Variants in DGAT1 observed in about 807,000 individuals in gnomAD.
DGAT1 encodes ACAT related gene product 1.
In DGAT1, 60 loss-of-function variants were observed where a neutral mutation model predicts 72.6. The observed-to-expected ratio is 0.83, with a 90% confidence interval of 0.67 to 1.02. DGAT1 has a LOEUF of 1.02. DGAT1 is among the 50% of genes least tolerant of loss of function. The pLI, the probability that DGAT1 is intolerant of heterozygous loss-of-function variation, is 0.00. For synonymous variants in DGAT1, 290 were observed against 267.5 expected (o/e 1.08, Z -0.82); for missense variants, 592 against 670.0 (o/e 0.88, Z 1.29).
In DGAT1 at chr8:144,321,313, C is replaced by T. The variant is rs1458093972; in HGVS notation, c.288+8G>A. 2 of 1,613,682 alleles carry T rather than the reference C, an allele frequency of 1.2e-6. No individual in the cohort carries two copies. The highest frequency in any genetic ancestry group is 2.2e-5 in the East Asian group (1 of 44,886). On this transcript the variant is annotated splice_region_variant and intron_variant, in intron 2 of 16. Transcript: ENST00000528718. ...CTAGACCCGCTCCCGACACCATGTC[C>T]CACTCACCAGCATCACCACACACCA...
At chr8:144,323,947 C>A (rs1554848482) in intron 1 of DGAT1, among the ~76,000 whole-genome samples, 2 of 152,088 alleles carry the variant, frequency 1.3e-5, no homozygotes, top group African/African-American at 4.8e-5. Flanking sequence ...ATGGTTGGGG[C>A]AGGCTCCCTG....
intron 1 of DGAT1, 57 bp downstream of exon 1, chr8:144,326,379 AC>A: frequency 1.5e-6 from 2 of 1,348,968 alleles, no homozygotes. Flanking sequence ...GCTTCGGCCA[AC>A]CCCGGAAAGT....
intron 1 of DGAT1, among the ~76,000 whole-genome samples, chr8:144,323,259 G>A (rs1262627441): frequency 9.2e-5 from 14 of 152,094 alleles, no homozygotes; most frequent in African/African-American, 3.4e-4. Flanking sequence ...GTCGGGAAAG[G>A]GTGGTGCTTC....
chr8:144,316,002 G>T lies in DGAT1; in HGVS notation c.*552C>A. The T allele has an allele frequency of 1.1e-6, 1 of 935,792 alleles. No individual in the cohort carries two copies. Among genetic ancestry groups the T allele is most frequent in the Non-Finnish European group, 1.3e-6 (1 of 784,518 alleles). 58.0% of individuals were successfully genotyped at this position (935,792 alleles called of 1,614,324 possible). ...CAAGCTGAAGCTGAGCACGGTGGGTGCAAGTTGACCATCCTGCACTGAGGG... is the reference window on the plus strand; with the variant it reads ...CAAGCTGAAGCTGAGCACGGTGGGTTCAAGTTGACCATCCTGCACTGAGGG... On this transcript the variant is annotated 3_prime_UTR_variant, in exon 17 of 17. Transcript: ENST00000528718.
chr8:144,322,700 G>A (rs1817491951), intron 1 of DGAT1, among the ~76,000 whole-genome samples: 1 of 152,216 alleles, frequency 6.6e-6, no homozygotes, highest in African/African-American at 2.4e-5. Context: ...AGGCAGGGAG[G>A]ATGCTCACAC....
intron 16 of DGAT1, 31 bp from the exon 17 acceptor site, chr8:144,316,740 A>G: frequency 5.6e-6 from 9 of 1,607,396 alleles, no homozygotes; most frequent in Non-Finnish European, 7.6e-6. Context: ...TCAGTCGGCC[A>G]TGGTGACCAC....
intron 2 of DGAT1, among the ~76,000 whole-genome samples, chr8:144,319,786 T>A (rs1478994479): frequency 6.6e-6 from 1 of 152,124 alleles, no homozygotes; most frequent in Admixed American, 6.5e-5. Context: ...GACAGGAACC[T>A]CCTCCTCCAT....
chr8:144,317,193 C>T lies in DGAT1; in HGVS notation c.1154G>A (p.Cys385Tyr), dbSNP rs782198587. 2.5e-6 allele frequency: 4 copies of T among 1,608,452 alleles called. No homozygotes were observed. The highest frequency in any genetic ancestry group is 4.5e-5 in the East Asian group (2 of 44,724). The change falls in exon 14 of 17, where the codon TGC (cysteine) becomes TAC (tyrosine). Residue 385 changes from cysteine to tyrosine, a missense_variant. Physicochemically the swap from Cys to Tyr is radical, Grantham distance 194 (BLOSUM62 -2). Coordinates refer to ENST00000528718, the MANE Select transcript of DGAT1 (RefSeq NM_012079.6). Reference protein sequence around the residue: ...QNWNIPVHKWCIRHFYKPMLR... With the variant: ...QNWNIPVHKWYIRHFYKPMLR... ...ACACACACACCCCACCTACCTGATG[C>T]ACCACTTGTGCACAGGGATGTTCCA...
rs781789020 is a variant in DGAT1 at position 144,326,420 on chromosome 8, G to C, written c.200+17C>G. 2.9e-6 allele frequency: 4 copies of C among 1,388,864 alleles called. No homozygotes were observed. The highest frequency in any genetic ancestry group is 6.2e-5 in the Admixed American group (2 of 32,106). 86.0% of individuals were successfully genotyped at this position (1,388,864 alleles called of 1,614,324 possible). On this transcript the variant is annotated intron_variant, in intron 1 of 16. Transcript: ENST00000528718. ...GGGCCCTTGGGTCAGAGGTTAGGGG[G>C]TCAGGCGCTCCGCTACCTCAGCTCC... is the stretch of plus-strand genomic sequence containing the variant.
intron 16 of DGAT1, 72 bp from the exon 17 acceptor site, chr8:144,316,781 G>T: frequency 6.3e-7 from 1 of 1,597,090 alleles, no homozygotes; most frequent in Non-Finnish European, 8.5e-7. Flanking sequence ...CCCTGGGCAT[G>T]GGGAGGGTCA....
chr8:144,316,658 C>G lies in DGAT1; in HGVS notation c.1363G>C (p.Ala455Pro). 1 of 1,611,650 alleles carries G rather than the reference C, an allele frequency of 6.2e-7. No homozygotes were observed. Among genetic ancestry groups the G allele is most frequent in the East Asian group, 2.2e-5 (1 of 44,836 alleles). ...ATGATGAGCGACAGCCACACAGCTG[C>G]GTTGCCATAGTTGCCCTGGAAAAAG... ...GRFFQGNYGN[A>P]AVWLSLIIGQ... Residue 455 changes from alanine to proline, a missense_variant, in exon 17 of 17, where the codon GCA becomes CCA. Transcript: ENST00000528718.
chr8:144,319,566 T>C (rs1817384975), intron 2 of DGAT1, among the ~76,000 whole-genome samples: 1 of 152,184 alleles, frequency 6.6e-6, no homozygotes, highest in Non-Finnish European at 1.5e-5. Flanking sequence ...TTGTCTACTC[T>C]TTCTCTGCAG....
chr8:144,315,513 T>C lies in DGAT1; in HGVS notation c.*1041A>G, dbSNP rs1431133561. ...GGGACACCAGGGCCTGGTCCAGTCTTGGGGTCTTTAATCAAGCAGTCACCC... is the reference window on the plus strand; with the variant it reads ...GGGACACCAGGGCCTGGTCCAGTCTCGGGGTCTTTAATCAAGCAGTCACCC... On this transcript the variant is annotated 3_prime_UTR_variant, in exon 17 of 17. Transcript: ENST00000528718. The C allele has an allele frequency of 3.0e-6, 3 of 985,438 alleles. No individual in the cohort carries two copies. The highest frequency in any genetic ancestry group is 6.1e-5 in the Admixed American group (1 of 16,264). 61.0% of individuals were successfully genotyped at this position (985,438 alleles called of 1,614,324 possible).
In DGAT1 at chr8:144,324,192, C is replaced by T. The variant is rs561610991; in HGVS notation, c.200+2245G>A. On this transcript the variant is annotated intron_variant, in intron 1 of 16. Transcript: ENST00000528718. ...TTGCCACGGGGCCGGAAGAAAGGAG[C>T]TCACACCCAGAGCCCAGCCCTAGGT... Among the ~76,000 whole-genome samples the T allele has an allele frequency of 5.9e-5, 9 of 152,288 alleles. No homozygotes were observed. In the South Asian group the frequency reaches 1.9e-3, roughly 32 times the overall value.
At chr8:144,318,627 C>T in intron 5 of DGAT1, 61 bp from the exon 6 acceptor site, 1 of 1,603,758 alleles carries the variant, frequency 6.2e-7, no homozygotes, top group East Asian at 2.2e-5. Context: ...GGCTGCCAGG[C>T]CTGGGGAGCA....
chr8:144,318,174 G>C lies in DGAT1; in HGVS notation c.677-5C>G, dbSNP rs199592738. Reference sequence around the variant, plus strand: ...TGGCCTTCTTCCCTGCAGAGGCTACGAGCACAGCAGAGTGGGAGGGGGCTG... The same window carrying C: ...TGGCCTTCTTCCCTGCAGAGGCTACCAGCACAGCAGAGTGGGAGGGGGCTG... On this transcript the variant is annotated splice_region_variant and splice_polypyrimidine_tract_variant and intron_variant, in intron 7 of 16. Coordinates refer to ENST00000528718, the MANE Select transcript of DGAT1 (RefSeq NM_012079.6). The C allele has an allele frequency of 5.2e-5, 83 of 1,605,266 alleles. No homozygotes were observed. The highest frequency in any genetic ancestry group is 7.0e-5 in the Non-Finnish European group (82 of 1,175,006).
Position 144,324,013 on chromosome 8 carries a change from G to A in DGAT1, c.200+2424C>T, listed in dbSNP as rs986075878. Among the ~76,000 whole-genome samples, 6 of 152,232 alleles carry A rather than the reference G, an allele frequency of 3.9e-5. 1 individual carries two copies. In the East Asian group the frequency reaches 1.2e-3, roughly 29 times the overall value. Reference sequence around the variant, plus strand: ...GGAGAGTCAGAAAGGACACCTCAGGGACAAAACACCCTGGGAGAAGCCAGA... The same window carrying A: ...GGAGAGTCAGAAAGGACACCTCAGGAACAAAACACCCTGGGAGAAGCCAGA... On this transcript the variant is annotated intron_variant, in intron 1 of 16. Transcript: ENST00000528718.
Position 144,326,685 on chromosome 8 carries a change from G to A in DGAT1, c.-49C>T, listed in dbSNP as rs1554848868. 3 of 1,146,086 alleles carry A rather than the reference G, an allele frequency of 2.6e-6. No individual in the cohort carries two copies. The highest frequency in any genetic ancestry group is 1.1e-6 in the Non-Finnish European group (1 of 932,778). The allele number at this position is 1,146,086 out of a possible 1,614,324, so 71.0% of individuals were successfully genotyped here. A position where few individuals can be genotyped will look rare whatever the true frequency, so the allele number is the denominator to read the frequency against. On this transcript the variant is annotated 5_prime_UTR_variant, in exon 1 of 17. It adds an upstream start codon to the 5' untranslated region. Coordinates refer to ENST00000528718, the MANE Select transcript of DGAT1 (RefSeq NM_012079.6). ...AGCCAAGCGTGGGCCCGCCGGGTTC[G>A]TAGCGCCCGAGGCGCGCGGCCCCAC...
At position 144,316,842 on chromosome 8, in the gene DGAT1, G is replaced by A. The variant is rs1294902215; in HGVS notation, c.1311+11C>T. On this transcript the variant is annotated intron_variant, in intron 16 of 16. Transcript: ENST00000528718. The stretch of plus-strand genomic sequence containing the variant: ...CTGGGCGAGTGAGGAGGCCACGTGG[G>A]GGTCACTCACCTGAGCCATCATGCC... 5.0e-6 allele frequency: 8 copies of A among 1,607,822 alleles called. No individual in the cohort carries two copies. The highest frequency in any genetic ancestry group is 1.7e-5 in the Admixed American group (1 of 58,952).
Sources: gnomAD v4.1 joint callset for allele counts (sites outside exome capture counted in the v4.1 genomes callset) on GRCh38, gnomAD v4.1.1 for gene constraint, MANE v1.5 for transcripts, NCBI Gene and HGNC (gene_info 2026-07-23, HGNC 2026-07-21) for gene names.